Variants in CAV1 observed in about 807,000 individuals in gnomAD.
CAV1 encodes the protein caveolin-1.
In CAV1, 10 loss-of-function variants were observed where a neutral mutation model predicts 16.5. The ratio of observed to expected loss-of-function variants is 0.61; its 90% CI spans 0.37 to 1.03. The LOEUF is 1.03. Ranked by LOEUF, CAV1 falls within the 50% of genes least tolerant of loss-of-function variation. CAV1 has a pLI of 0.01. For synonymous variants in CAV1, 76 were observed against 85.1 expected (o/e 0.89, Z 0.59); for missense variants, 212 against 232.8 (o/e 0.91, Z 0.58).
chr7:116,530,541 A>T (rs1376104250), intron 2 of CAV1, among the ~76,000 whole-genome samples: 1 of 152,170 alleles, frequency 6.6e-6, no homozygotes, highest in African/African-American at 2.4e-5. Flanking sequence ...GATGTATTGC[A>T]GCTGGTTTAA....
intron 2 of CAV1, among the ~76,000 whole-genome samples, chr7:116,529,765 C>A (rs899574506): frequency 6.6e-6 from 1 of 152,170 alleles, no homozygotes; most frequent in Non-Finnish European, 1.5e-5. Flanking sequence ...AAGCTTGCTG[C>A]TCCACATTAT....
At chr7:116,529,134 A>G (rs1162573237) in intron 2 of CAV1, among the ~76,000 whole-genome samples, 1 of 152,182 alleles carries the variant, frequency 6.6e-6, no homozygotes, top group African/African-American at 2.4e-5. Context: ...CTGGCCAACA[A>G]CACAGACTTC....
At position 116,560,470 on chromosome 7, in the gene CAV1, T is replaced by C. The variant is rs1794388313; in HGVS notation, c.*1183T>C. 1 of 152,308 alleles carries C rather than the reference T, an allele frequency of 6.6e-6. No homozygotes were observed. The highest frequency in any genetic ancestry group is 2.4e-5 in the African/African-American group (1 of 41,560). 9.4% of individuals were successfully genotyped at this position (152,308 alleles called of 1,614,324 possible). A position where few individuals can be genotyped will look rare whatever the true frequency, so the allele number is the denominator to read the frequency against. Reference sequence around the variant, plus strand: ...CTGCTCAGTAAAGCACTTGCAACCGTCTGTTATGCTGTGACACATGGCCCC... The same window carrying C: ...CTGCTCAGTAAAGCACTTGCAACCGCCTGTTATGCTGTGACACATGGCCCC... On this transcript the variant is annotated 3_prime_UTR_variant, in exon 3 of 3. Transcript: ENST00000341049.
chr7:116,547,144 T>C (rs1027512767), intron 2 of CAV1, among the ~76,000 whole-genome samples: 1 of 152,170 alleles, frequency 6.6e-6, no homozygotes, highest in Non-Finnish European at 1.5e-5. Context: ...TATGACCTCA[T>C]CTTCACTAAC....
chr7:116,534,364 T>TAG (rs1793750526), intron 2 of CAV1, among the ~76,000 whole-genome samples: 1 of 14,182 alleles, frequency 7.1e-5, no homozygotes, highest in South Asian at 6.0e-3. Flanking sequence ...CCACCTCAGA[T>TAG]ATATATATAT....
chr7:116,555,499 A>G (rs1263521964), intron 2 of CAV1, among the ~76,000 whole-genome samples: 417 of 4,928 alleles, frequency 0.085, 68 homozygotes, highest in East Asian at 0.27. Context: ...AAAGAAAGAA[A>G]GAAAGAAAGA....
At chr7:116,535,547 T>TA (rs1175104266) in intron 2 of CAV1, among the ~76,000 whole-genome samples, 1 of 152,192 alleles carries the variant, frequency 6.6e-6, no homozygotes, top group Non-Finnish European at 1.5e-5. Context: ...CCAGGAAACA[T>TA]AAAATGGCAT....
At chr7:116,551,468 A>G (rs1013057528) in intron 2 of CAV1, among the ~76,000 whole-genome samples, 1 of 152,156 alleles carries the variant, frequency 6.6e-6, no homozygotes, top group South Asian at 2.1e-4. Flanking sequence ...TTTCCTTCTC[A>G]TCTATTTCTG....
intron 1 of CAV1, chr7:116,525,314 C>A: frequency 6.5e-7 from 1 of 1,549,788 alleles, no homozygotes; most frequent in Non-Finnish European, 8.7e-7. Flanking sequence ...CTAGGGAGCC[C>A]CTGAGCTAGG....
At chr7:116,555,474 AGG>A (rs1491209175) in intron 2 of CAV1, among the ~76,000 whole-genome samples, 15 of 40,322 alleles carry the variant, frequency 3.7e-4, no homozygotes, top group African/African-American at 1.1e-3. Flanking sequence ...GAAGGAAGGA[AGG>A]AGGAAAGAAA....
chr7:116,526,858 G>C (rs1793575456), intron 2 of CAV1, 169 bp downstream of exon 2: 2 of 718,062 alleles, frequency 2.8e-6, no homozygotes, highest in Non-Finnish European at 4.8e-6. Context: ...AGCTCCCGCA[G>C]TCGGCAGAAA....
chr7:116,555,538 GAGAGAGAAAGAAAGAAAGAAAGAA>G (rs1794261715), intron 2 of CAV1, among the ~76,000 whole-genome samples: 1 of 5,742 alleles, frequency 1.7e-4, no homozygotes, highest in Non-Finnish European at 4.3e-4. Context: ...GAGAGAGAGA[GAGAGAGAAAGAAAGAAAGAAAGAA>G]AGAAAGAAAG....
At chr7:116,525,202 T>G in intron 1 of CAV1, 110 bp downstream of exon 1, 2 of 1,613,486 alleles carry the variant, frequency 1.2e-6, no homozygotes, top group Non-Finnish European at 1.7e-6. Flanking sequence ...CTCTCTCCAC[T>G]TCGGAGCACT....
intron 2 of CAV1, among the ~76,000 whole-genome samples, chr7:116,547,231 T>A (rs974398073): frequency 6.6e-6 from 1 of 152,158 alleles, no homozygotes; most frequent in African/African-American, 2.4e-5. Context: ...CAGAGCTTGT[T>A]GAAGGGGGCA....
intron 2 of CAV1, among the ~76,000 whole-genome samples, chr7:116,546,082 C>T (rs116887829): frequency 3.9e-5 from 6 of 152,274 alleles, no homozygotes; most frequent in East Asian, 3.9e-4. Context: ...TGTTCAAGTT[C>T]GCTAACTAAT....
At chr7:116,526,808 A>G in intron 2 of CAV1, 119 bp downstream of exon 2, 1 of 1,030,782 alleles carries the variant, frequency 9.7e-7, no homozygotes, top group African/African-American at 1.6e-5. Flanking sequence ...ACACGCGCAC[A>G]CACACACACA....
chr7:116,559,093 T>G lies in CAV1; in HGVS notation c.343T>G (p.Trp115Gly). ...ALFGIPMALI[W>G]GIYFAILSFL... ...CTTTGGCATCCCGATGGCACTCATC[T>G]GGGGCATTTACTTCGCCATTCTCTC... The change falls in exon 3 of 3, where the codon TGG (tryptophan) becomes GGG (glycine). Residue 115 changes from tryptophan (W) to glycine (G), a missense_variant. Transcript: ENST00000341049. 5 of 1,613,918 alleles carry G rather than the reference T, an allele frequency of 3.1e-6. No homozygotes were observed. The South Asian group carries it at 5.5e-5, about 18-fold the overall frequency.
At position 116,559,316 on chromosome 7, in the gene CAV1, G is replaced by A; in HGVS notation, c.*29G>A. The A allele has an allele frequency of 5.7e-6, 9 of 1,565,258 alleles. No individual in the cohort carries two copies. Among genetic ancestry groups the A allele is most frequent in the Non-Finnish European group, 7.0e-6 (8 of 1,137,374 alleles). On this transcript the variant is annotated 3_prime_UTR_variant, in exon 3 of 3. Transcript: ENST00000341049. ...ACATTTCAAGGATAGAAGTATACCTGATTTTTTTTCCTTTTAATTTTCCTG... is the reference window on the plus strand; with the variant it reads ...ACATTTCAAGGATAGAAGTATACCTAATTTTTTTTCCTTTTAATTTTCCTG...
intron 1 of CAV1, chr7:116,525,711 G>A (rs1050366523): frequency 9.4e-7 from 1 of 1,067,856 alleles, no homozygotes; most frequent in African/African-American, 1.7e-5. Context: ...GCTCTGCCCG[G>A]GTGTGGAAAC....
Sources: gnomAD v4.1 joint callset for allele counts (sites outside exome capture counted in the v4.1 genomes callset) on GRCh38, gnomAD v4.1.1 for gene constraint, MANE v1.5 for transcripts, NCBI Gene and HGNC (gene_info 2026-07-23, HGNC 2026-07-21) for gene names.